Variants in MSH3 observed in about 807,000 individuals in gnomAD.
MSH3 encodes mutS homolog 3, also known as DNA mismatch repair protein Msh3.
A neutral mutation model predicts 123.3 loss-of-function variants in MSH3; 106 were observed. That is an observed-to-expected ratio of 0.86 (90% confidence interval 0.73 to 1.01). The LOEUF (loss-of-function observed/expected upper bound fraction) is 1.01, where lower values mean the gene tolerates loss of function less well. Ranked by LOEUF, MSH3 falls within the 50% of genes least tolerant of loss-of-function variation. MSH3 has a pLI of 0.00. For synonymous variants in MSH3, 515 were observed against 481.4 expected (o/e 1.07, Z -0.91); for missense variants, 1,459 against 1,347.6 (o/e 1.08, Z -1.29).
intron 22 of MSH3, among the ~76,000 whole-genome samples, chr5:80,869,252 A>G (rs549749303): frequency 3.6e-4 from 55 of 152,318 alleles, no homozygotes; most frequent in South Asian, 3.3e-3. Context: ...AAATCTTGCT[A>G]TGTTTCCCCA....
chr5:80,850,948 C>A (rs192924193), intron 20 of MSH3, among the ~76,000 whole-genome samples: 4 of 152,106 alleles, frequency 2.6e-5, no homozygotes, highest in Non-Finnish European at 4.4e-5. Context: ...TCAATAGGTC[C>A]TTTTTCTAGC....
At chr5:80,689,226 A>C (rs1196746898) in intron 8 of MSH3, among the ~76,000 whole-genome samples, 4 of 152,180 alleles carry the variant, frequency 2.6e-5, no homozygotes, top group Non-Finnish European at 5.9e-5. Context: ...AAGGCCAGAG[A>C]GGAAGACTGG....
At position 80,751,813 on chromosome 5, in the gene MSH3, A is replaced by C. The variant is rs142687173; in HGVS notation, c.1763+7198A>C. On this transcript the variant is annotated intron_variant, in intron 12 of 23. Transcript: ENST00000265081. Reference sequence around the variant, plus strand: ...TCAGCATATCTTTTTAGGGGTACACAATTCAACCCAAAACAAATAGGCCCA... The same window carrying C: ...TCAGCATATCTTTTTAGGGGTACACCATTCAACCCAAAACAAATAGGCCCA... Among the ~76,000 whole-genome samples, 325 of 152,284 alleles carry C rather than the reference A, an allele frequency of 2.1e-3. 1 individual carries two copies. The highest frequency in any genetic ancestry group is 7.6e-3 in the African/African-American group (314 of 41,556).
chr5:80,672,723 T>C lies in MSH3; in HGVS notation c.910-18T>C, dbSNP rs1347565873. ...ATTTTTTATCCTTTGATAGCAATAT[T>C]TCTTATTTTTGTTGAAGGTGGGAGT... On this transcript the variant is annotated intron_variant, in intron 5 of 23. Coordinates refer to ENST00000265081, the MANE Select transcript of MSH3 (RefSeq NM_002439.5). 1.3e-6 allele frequency: 2 copies of C among 1,581,460 alleles called. No individual in the cohort carries two copies. The highest frequency in any genetic ancestry group is 3.3e-5 in the Admixed American group (2 of 59,974).
intron 10 of MSH3, among the ~76,000 whole-genome samples, chr5:80,729,182 G>A (rs546609613): frequency 5.8e-4 from 88 of 152,030 alleles, no homozygotes; most frequent in African/African-American, 2.0e-3. Flanking sequence ...TTGGGAGGCC[G>A]AGGCGGGCAG....
intron 18 of MSH3, among the ~76,000 whole-genome samples, chr5:80,789,747 G>T (rs746760029): frequency 2.0e-5 from 3 of 152,148 alleles, no homozygotes; most frequent in Admixed American, 6.5e-5. Flanking sequence ...AATAATTTAG[G>T]AAAGTAGTAT....
rs563307874 is a variant in MSH3, at chr5:80,800,931, T to C, written c.2655+8087T>C. Among the ~76,000 whole-genome samples the C allele has an allele frequency of 5.9e-5, 9 of 152,294 alleles. 1 individual carries two copies. In the East Asian group the frequency reaches 1.2e-3, roughly 20 times the overall value. ...ATAGAGAATCACAGAGCAGAGGGGC[T>C]TCTGTAGATTGGGTGGTCAAGGAAG... is the stretch of plus-strand genomic sequence containing the variant. On this transcript the variant is annotated intron_variant, in intron 19 of 23. Transcript: ENST00000265081.
intron 19 of MSH3, among the ~76,000 whole-genome samples, chr5:80,803,246 T>C (rs531017378): frequency 6.6e-6 from 1 of 152,332 alleles, no homozygotes; most frequent in Admixed American, 6.5e-5. Flanking sequence ...ACATTTGTTA[T>C]TGCATGTCTT....
chr5:80,662,763 G>T (rs2112807116), intron 2 of MSH3, among the ~76,000 whole-genome samples: 1 of 151,814 alleles, frequency 6.6e-6, no homozygotes, highest in South Asian at 2.1e-4. Flanking sequence ...GGAGGCAGAG[G>T]TTGCAGTGAG....
chr5:80,738,969 C>G (rs1743563660), intron 10 of MSH3, among the ~76,000 whole-genome samples: 1 of 152,224 alleles, frequency 6.6e-6, no homozygotes, highest in Non-Finnish European at 1.5e-5. Context: ...TGAGCCCTCA[C>G]TAGACACCAA....
At chr5:80,844,193 A>G (rs1313670587) in intron 20 of MSH3, among the ~76,000 whole-genome samples, 1 of 151,986 alleles carries the variant, frequency 6.6e-6, no homozygotes, top group African/African-American at 2.4e-5. Context: ...TTCAGTTTCC[A>G]TGTAGTTGTG....
At chr5:80,861,974 A>G (rs1746019395) in intron 21 of MSH3, among the ~76,000 whole-genome samples, 1 of 152,132 alleles carries the variant, frequency 6.6e-6, no homozygotes, top group East Asian at 1.9e-4. Flanking sequence ...TATATGCTAA[A>G]CTGGAAACCA....
chr5:80,674,793 G>T (rs977962281), intron 6 of MSH3, among the ~76,000 whole-genome samples, 190 bp from the exon 7 acceptor site: 17 of 151,730 alleles, frequency 1.1e-4, no homozygotes, highest in Admixed American at 6.6e-5. Flanking sequence ...GCCCAGGGTG[G>T]TCTCTCAAAC....
chr5:80,656,806 T>C (rs1416655619), intron 2 of MSH3, among the ~76,000 whole-genome samples: 1 of 152,184 alleles, frequency 6.6e-6, no homozygotes, highest in Non-Finnish European at 1.5e-5. Context: ...AATTAAAACA[T>C]TCTTGCTACA....
At chr5:80,831,332 T>G (rs1238735803) in intron 20 of MSH3, among the ~76,000 whole-genome samples, 2 of 152,346 alleles carry the variant, frequency 1.3e-5, no homozygotes, top group East Asian at 1.9e-4. Context: ...AACTCAAAAT[T>G]TTTTAATCAC....
chr5:80,774,478 G>T (rs945888980), intron 15 of MSH3, among the ~76,000 whole-genome samples: 2 of 151,790 alleles, frequency 1.3e-5, no homozygotes, highest in Non-Finnish European at 2.9e-5. Flanking sequence ...CCAAAGAAAG[G>T]TAATTAGTAT....
chr5:80,834,145 T>G (rs1745468728), intron 20 of MSH3, among the ~76,000 whole-genome samples: 1 of 152,184 alleles, frequency 6.6e-6, no homozygotes, highest in African/African-American at 2.4e-5. Flanking sequence ...ATCCGTACCA[T>G]CAGGTGCTAT....
Position 80,789,433 on chromosome 5 carries a change from C to T in MSH3, c.2543+1761C>T, listed in dbSNP as rs1317340019. Among the ~76,000 whole-genome samples, 8 of 149,216 alleles carry T rather than the reference C, an allele frequency of 5.4e-5. No homozygotes were observed. In the East Asian group the frequency reaches 7.9e-4, roughly 15 times the overall value. On this transcript the variant is annotated intron_variant, in intron 18 of 23. Transcript: ENST00000265081. The stretch of plus-strand genomic sequence containing the variant: ...TGGCCCAGGCTGGAGTGCAATGGTG[C>T]GATCTCGGCTCACTGCAACCTCTGC...
At chr5:80,744,892 A>T (rs1357437625) in intron 12 of MSH3, among the ~76,000 whole-genome samples, 1 of 145,846 alleles carries the variant, frequency 6.9e-6, no homozygotes, top group Non-Finnish European at 1.5e-5. Context: ...GGCTAGACTG[A>T]GGAGTTGATA....
Sources: gnomAD v4.1 joint callset for allele counts (sites outside exome capture counted in the v4.1 genomes callset) on GRCh38, gnomAD v4.1.1 for gene constraint, MANE v1.5 for transcripts, NCBI Gene and HGNC (gene_info 2026-07-23, HGNC 2026-07-21) for gene names.